MYLK4: variants seen among roughly 807,000 people sequenced by gnomAD.
MYLK4 encodes myosin light chain kinase family member 4, also known as caMLCK like.
In MYLK4, 46 loss-of-function variants were observed where a neutral mutation model predicts 48.1. That is an observed-to-expected ratio of 0.96 (90% CI 0.75 to 1.22). MYLK4 has a LOEUF of 1.22. Among genes scored for constraint, MYLK4 ranks in the 50% most tolerant of loss-of-function variants. The probability of loss-of-function intolerance (pLI) is 0.00; values close to 1 mark genes in which losing one functional copy is unlikely to be tolerated. For synonymous variants in MYLK4, 170 were observed against 180.8 expected, an observed-to-expected ratio of 0.94 and a Z score of 0.48; for missense variants, 451 against 486.1, an observed-to-expected ratio of 0.93 and a Z score of 0.68.
At chr6:2,763,556 C>G in the MYLK4 span, among the ~76,000 whole-genome samples, 1 of 152,348 alleles carries the variant, frequency 6.6e-6, no homozygotes. Context: ...GCAGGCCGCT[C>G]CGAGCGCGAG....
At chr6:2,734,435 C>A (rs558581148) in intron 2 of MYLK4, among the ~76,000 whole-genome samples, 1 of 152,158 alleles carries the variant, frequency 6.6e-6, no homozygotes, top group Non-Finnish European at 1.5e-5. Flanking sequence ...CGTCCTCTCA[C>A]CCGGGCTTAT....
At chr6:2,676,814 G>C (rs1425975739) in intron 10 of MYLK4, among the ~76,000 whole-genome samples, 2 of 152,152 alleles carry the variant, frequency 1.3e-5, no homozygotes, top group African/African-American at 2.4e-5. Flanking sequence ...TGTGTAAAAT[G>C]ATGGTCTCCA....
chr6:2,678,370 A>T lies in MYLK4; in HGVS notation c.890T>A (p.Leu297His), dbSNP rs755686453. 2 of 1,613,918 alleles carry T rather than the reference A, an allele frequency of 1.2e-6. No individual in the cohort carries two copies. The highest frequency in any genetic ancestry group is 4.5e-5 in the East Asian group (2 of 44,872). Reference protein sequence around the residue: ...WSVGVIAYMLLSGLSPFLGDN... With the variant: ...WSVGVIAYMLHSGLSPFLGDN... ...ACCCAGGAAAGGCGACAAACCGCTA[A>T]GTCTGGAGGACACGGGGTCCAGAGT... Residue 297 changes from leucine to histidine, a missense_variant and splice_region_variant, in exon 10 of 13, where the codon CTT (leucine) becomes CAT (histidine). By Grantham distance (99) the Leu-to-His change is moderately conservative. Coordinates refer to ENST00000274643, the MANE Select transcript of MYLK4 (RefSeq NM_001012418.5).
chr6:2,679,299 C>T lies in MYLK4; in HGVS notation c.868G>A (p.Gly290Arg), dbSNP rs1761206568. ...ACTCACAGCATATAGGCGATGACCC[C>T]CACACTCCACATGTCAGTGGGAAAT... ...VSFPTDMWSV[G>R]VIAYMLLSGL... Residue 290 changes from glycine (G) to arginine (R), a missense_variant, in exon 9 of 13, where the codon GGG becomes AGG. Transcript: ENST00000274643. 1 of 1,614,086 alleles carries T rather than the reference C, an allele frequency of 6.2e-7. No individual in the cohort carries two copies. Among genetic ancestry groups the T allele is most frequent in the African/African-American group, 1.3e-5 (1 of 74,994 alleles).
intron 2 of MYLK4, among the ~76,000 whole-genome samples, chr6:2,737,981 TG>T (rs1215590689): frequency 1.2e-3 from 32 of 27,690 alleles, no homozygotes; most frequent in African/African-American, 3.4e-3. Flanking sequence ...CGGGGGCGGG[TG>T]GGGGGGGGGT....
Position 2,682,428 on chromosome 6 carries a change from C to T in MYLK4, c.687+593G>A, listed in dbSNP as rs867403629. 3.3e-5 allele frequency among the ~76,000 whole-genome samples: 5 copies of T among 152,280 alleles called. No homozygotes were observed. The South Asian group carries it at 1.0e-3, about 32-fold the overall frequency. On this transcript the variant is annotated intron_variant, in intron 7 of 12. Coordinates refer to ENST00000274643, the MANE Select transcript of MYLK4 (RefSeq NM_001012418.5). The stretch of plus-strand genomic sequence containing the variant: ...TCAATAGGAGGAGAAAGAAAGGCGG[C>T]TTGGCTTCTGTGTGCTTTCCACCAT...
chr6:2,750,106 CAT>C (rs1764238295), intron 1 of MYLK4, among the ~76,000 whole-genome samples: 1 of 152,112 alleles, frequency 6.6e-6, no homozygotes, highest in Non-Finnish European at 1.5e-5. Flanking sequence ...CACTTGATTG[CAT>C]AGAGAGGCAG....
intron 2 of MYLK4, 46 bp from the exon 3 acceptor site, chr6:2,692,905 G>A: frequency 6.4e-7 from 1 of 1,560,900 alleles, no homozygotes; most frequent in South Asian, 1.1e-5. Flanking sequence ...TCACATCTGG[G>A]CTTTTCAACC....
intron 12 of MYLK4, among the ~76,000 whole-genome samples, chr6:2,669,677 G>A (rs1760808612): frequency 6.6e-6 from 1 of 152,148 alleles, no homozygotes; most frequent in South Asian, 2.1e-4. Context: ...TGCAGGACTG[G>A]GGCACCTCGC....
chr6:2,681,623 AAC>A (rs1277970266), intron 7 of MYLK4, among the ~76,000 whole-genome samples: 9 of 152,208 alleles, frequency 5.9e-5, no homozygotes, highest in Non-Finnish European at 1.5e-5. Context: ...AAAAATATAA[AAC>A]AGACTGTTTG....
chr6:2,765,015 G>A, the MYLK4 span, among the ~76,000 whole-genome samples: 529 of 152,212 alleles, frequency 3.5e-3, 2 homozygotes, highest in African/African-American at 0.011. Context: ...GTCCCCACAG[G>A]CCCATTCAAC....
Position 2,685,264 on chromosome 6 carries a change from G to A in MYLK4, c.545+32C>T. On this transcript the variant is annotated intron_variant, in intron 6 of 12. Transcript: ENST00000274643. The surrounding 1 kb of genome is among the most constrained non-coding windows in gnomAD (Gnocchi z 4.5). ...GGTCACGGTCATGAGTGCCCTTGGG[G>A]AGGTCAGGGAGGGGGCGGAGGGGAT... 1 of 1,512,554 alleles carries A rather than the reference G, an allele frequency of 6.6e-7. No homozygotes were observed. Among genetic ancestry groups the A allele is most frequent in the Non-Finnish European group, 9.2e-7 (1 of 1,090,252 alleles). The allele number at this position is 1,512,554 out of a possible 1,614,324, so 93.7% of individuals were successfully genotyped here.
intron 3 of MYLK4, among the ~76,000 whole-genome samples, chr6:2,692,143 A>G (rs1006910606): frequency 6.6e-6 from 1 of 152,082 alleles, no homozygotes; most frequent in Non-Finnish European, 1.5e-5. Flanking sequence ...TTCTTCAAAC[A>G]CTGGGTGTTC....
At chr6:2,693,461 C>G (rs188808555) in intron 2 of MYLK4, among the ~76,000 whole-genome samples, 1 of 152,310 alleles carries the variant, frequency 6.6e-6, no homozygotes, top group African/African-American at 2.4e-5. Context: ...GTGCTTAGAA[C>G]AGATGGCCCT....
intron 2 of MYLK4, among the ~76,000 whole-genome samples, chr6:2,694,495 T>C (rs1440347807): frequency 5.1e-5 from 2 of 39,204 alleles, no homozygotes; most frequent in Admixed American, 2.4e-4. Context: ...GTGGTCATGG[T>C]GGTGGTGGTG....
chr6:2,758,976 C>T, the MYLK4 span, among the ~76,000 whole-genome samples: 5 of 152,344 alleles, frequency 3.3e-5, no homozygotes, highest in East Asian at 9.6e-4. Context: ...CAAGTTTACA[C>T]TCCCACCAGC....
intron 2 of MYLK4, among the ~76,000 whole-genome samples, chr6:2,722,907 G>T (rs1763122071): frequency 1.3e-5 from 2 of 152,098 alleles, no homozygotes; most frequent in African/African-American, 4.8e-5. Flanking sequence ...CCAATTCTTA[G>T]CATGACAATT....
chr6:2,724,926 G>A (rs979919956), intron 2 of MYLK4, among the ~76,000 whole-genome samples: 33 of 152,148 alleles, frequency 2.2e-4, no homozygotes, highest in Non-Finnish European at 3.2e-4. Context: ...CGAGGTGGAC[G>A]GATCACCTGA....
rs1761243634 is a variant in MYLK4, at chr6:2,680,293, T to C, written c.688-2A>G. 13 of 1,613,900 alleles carry C rather than the reference T, an allele frequency of 8.1e-6. No homozygotes were observed. Among genetic ancestry groups the C allele is most frequent in the Non-Finnish European group, 1.0e-5 (12 of 1,180,010 alleles). Reference sequence around the variant, plus strand: ...ATTCACACACAGGATATTCTCAGGCTGCCAGGAGAAAGAGACACATTAGCA... The same window carrying C: ...ATTCACACACAGGATATTCTCAGGCCGCCAGGAGAAAGAGACACATTAGCA... On this transcript the variant is annotated splice_acceptor_variant, in intron 7 of 12. Coordinates refer to ENST00000274643, the MANE Select transcript of MYLK4 (RefSeq NM_001012418.5). LOFTEE classifies it high-confidence loss of function.
Sources: gnomAD v4.1 joint callset for allele counts (sites outside exome capture counted in the v4.1 genomes callset) on GRCh38, gnomAD v4.1.1 for gene constraint, Gnocchi (gnomAD v3.1) non-coding constraint, MANE v1.5 for transcripts, NCBI Gene and HGNC (gene_info 2026-07-23, HGNC 2026-07-21) for gene names.